The following UCK2 variants were observed in gnomAD, a reference collection of about 807,000 sequenced individuals.
UCK2 encodes the protein uridine-cytidine kinase 2.
In UCK2, 6 loss-of-function variants were observed where a neutral mutation model predicts 30.8. The observed-to-expected ratio is 0.19, with a 90% CI of 0.11 to 0.38. UCK2 has a LOEUF of 0.38. Among genes scored for constraint, UCK2 ranks in the 10% least tolerant of loss-of-function variants. The pLI is 1.00. For synonymous variants in UCK2, 125 were observed against 133.6 expected, an observed-to-expected ratio of 0.94 and a Z score of 0.45; for missense variants, 210 against 339.8, an observed-to-expected ratio of 0.62 and a Z score of 3.00.
intron 1 of UCK2, among the ~76,000 whole-genome samples, chr1:165,852,259 A>G (rs1377546047): frequency 6.6e-6 from 1 of 152,238 alleles, no homozygotes; most frequent in African/African-American, 2.4e-5. Flanking sequence ...ACAGCAAAAG[A>G]AACTATCATC....
At position 165,848,496 on chromosome 1, in the gene UCK2, T is replaced by C. The variant is rs1654506454; in HGVS notation, c.99+20564T>C. Among the ~76,000 whole-genome samples the C allele has an allele frequency of 1.3e-5, 2 of 152,068 alleles. 1 individual carries two copies. Among genetic ancestry groups the C allele is most frequent in the South Asian group, 4.1e-4 (2 of 4,830 alleles). ...AAAATACAAAAATTAGCCGGGTATA[T>C]TGGCGTGTGTCTGTAATCCCAGCTA... is the stretch of plus-strand genomic sequence containing the variant. On this transcript the variant is annotated intron_variant, in intron 1 of 6. Transcript: ENST00000367879.
chr1:165,834,611 A>G (rs1055023088), intron 1 of UCK2, among the ~76,000 whole-genome samples: 1 of 152,250 alleles, frequency 6.6e-6, no homozygotes, highest in Non-Finnish European at 1.5e-5. Context: ...TTCTAAATGT[A>G]TGCCTGAGAA....
intron 1 of UCK2, among the ~76,000 whole-genome samples, chr1:165,846,446 T>A (rs910633894): frequency 2.0e-5 from 3 of 152,036 alleles, no homozygotes; most frequent in Non-Finnish European, 4.4e-5. Context: ...CCCTTTTTTT[T>A]AAACAAAACA....
intron 1 of UCK2, among the ~76,000 whole-genome samples, chr1:165,881,817 A>G (rs1458227466): frequency 6.6e-6 from 1 of 152,186 alleles, no homozygotes; most frequent in East Asian, 1.9e-4. Context: ...CCAGAAGTGA[A>G]TTTTTCAAAT....
intron 1 of UCK2, among the ~76,000 whole-genome samples, chr1:165,839,314 T>C (rs1424076893): frequency 6.6e-6 from 1 of 152,162 alleles, no homozygotes; most frequent in East Asian, 1.9e-4. Flanking sequence ...TGAATACTCT[T>C]CAGGAAGGAA....
At chr1:165,861,722 A>G (rs980133845) in intron 1 of UCK2, among the ~76,000 whole-genome samples, 1 of 150,770 alleles carries the variant, frequency 6.6e-6, no homozygotes, top group Non-Finnish European at 1.5e-5. Flanking sequence ...TAAGATAGGC[A>G]TTCCCTACCT....
chr1:165,884,669 C>T (rs1342110949), intron 1 of UCK2, among the ~76,000 whole-genome samples: 3 of 152,236 alleles, frequency 2.0e-5, no homozygotes, highest in African/African-American at 7.2e-5. Flanking sequence ...TATGGATTAG[C>T]TCCTGGAAGA....
chr1:165,907,602 G>A, intron 6 of UCK2, 82 bp from the exon 7 acceptor site: 1 of 1,525,370 alleles, frequency 6.6e-7, no homozygotes, highest in Non-Finnish European at 8.8e-7. Flanking sequence ...GTTCCTGCAT[G>A]CCCTTCCCCC....
chr1:165,838,051 C>G (rs1654238698), intron 1 of UCK2, among the ~76,000 whole-genome samples: 1 of 152,228 alleles, frequency 6.6e-6, no homozygotes, highest in African/African-American at 2.4e-5. Context: ...TGTTTGCATT[C>G]ATAATCGCTA....
intron 1 of UCK2, among the ~76,000 whole-genome samples, chr1:165,855,398 A>G (rs1255511339): frequency 1.3e-5 from 2 of 152,184 alleles, no homozygotes; most frequent in Non-Finnish European, 2.9e-5. Context: ...ATTTTGTTTC[A>G]GGACAGCTCA....
rs151116689 is a variant in UCK2 at position 165,851,137 on chromosome 1, C to T, written c.99+23205C>T. Among the ~76,000 whole-genome samples the T allele has an allele frequency of 8.1e-3, 1,227 of 152,132 alleles. 17 individuals are homozygous for T. Among genetic ancestry groups the T allele is most frequent in the African/African-American group, 0.027 (1,134 of 41,492 alleles). ...AAGGCAGACTGGAGATTCTGCTCCC[C>T]CTGTTATCTCTGTCTTGTCTTTAGA... On this transcript the variant is annotated intron_variant, in intron 1 of 6. Coordinates refer to ENST00000367879, the MANE Select transcript of UCK2 (RefSeq NM_012474.5).
In UCK2 at chr1:165,827,771, C is replaced by T; in HGVS notation, c.-63C>T. ...TGCGGAAAGCGGAGGGAGTCCGACG[C>T]GGGCGCGGGCGGGGAGCGTGCGTCC... On this transcript the variant is annotated 5_prime_UTR_variant, in exon 1 of 7. Coordinates refer to ENST00000367879, the MANE Select transcript of UCK2 (RefSeq NM_012474.5). The T allele has an allele frequency of 6.3e-6, 8 of 1,273,794 alleles. No individual in the cohort carries two copies. The highest frequency in any genetic ancestry group is 8.0e-6 in the Non-Finnish European group (8 of 996,840). The allele number at this position is 1,273,794 out of a possible 1,614,324, so 78.9% of individuals were successfully genotyped here.
chr1:165,852,753 G>A (rs1489918307), intron 1 of UCK2, among the ~76,000 whole-genome samples: 5 of 152,132 alleles, frequency 3.3e-5, no homozygotes, highest in Admixed American at 3.3e-4. Context: ...CTTTCTTCTG[G>A]AGTTGGGACA....
chr1:165,895,218 A>G (rs1258631874), intron 3 of UCK2, among the ~76,000 whole-genome samples: 2 of 152,188 alleles, frequency 1.3e-5, no homozygotes, highest in Non-Finnish European at 2.9e-5. Flanking sequence ...GTTATAGACC[A>G]GCCTGGGCAA....
At chr1:165,848,601 C>T (rs1654510018) in intron 1 of UCK2, among the ~76,000 whole-genome samples, 1 of 151,962 alleles carries the variant, frequency 6.6e-6, no homozygotes, top group Admixed American at 6.6e-5. Flanking sequence ...CTGCTGCACT[C>T]CAGCCTGGAT....
In UCK2 at chr1:165,895,172, G is replaced by C. The variant is rs1655865540; in HGVS notation, c.357-1018G>C. On this transcript the variant is annotated intron_variant, in intron 3 of 6. Coordinates refer to ENST00000367879, the MANE Select transcript of UCK2 (RefSeq NM_012474.5). The stretch of plus-strand genomic sequence containing the variant: ...CTCATGCCTGTAATCCTAGCACTTT[G>C]GGAGGCTGAGGTGGGTGGGTTGCAT... Among the ~76,000 whole-genome samples, 3 of 152,276 alleles carry C rather than the reference G, an allele frequency of 2.0e-5. No homozygotes were observed. In the South Asian group the frequency reaches 6.2e-4, roughly 32 times the overall value.
intron 1 of UCK2, among the ~76,000 whole-genome samples, chr1:165,855,955 A>G (rs1180919204): frequency 6.6e-6 from 1 of 152,094 alleles, no homozygotes; most frequent in Non-Finnish European, 1.5e-5. Flanking sequence ...GTTTTTGATC[A>G]TCTCTGGTCC....
In UCK2 at chr1:165,910,061, A is replaced by G. The variant is rs1186037851; in HGVS notation, c.*2238A>G. The G allele has an allele frequency of 6.6e-6, 1 of 152,192 alleles. No individual in the cohort carries two copies. Among genetic ancestry groups the G allele is most frequent in the African/African-American group, 2.4e-5 (1 of 41,428 alleles). 9.4% of individuals were successfully genotyped at this position (152,192 alleles called of 1,614,324 possible). On this transcript the variant is annotated 3_prime_UTR_variant, in exon 7 of 7. Transcript: ENST00000367879. ...TCTGAATAGCCCACTCCTAGCTTGG[A>G]AACAGCTATAAGGGCTGCCCTGCCC...
At chr1:165,846,136 TA>T (rs1470993687) in intron 1 of UCK2, among the ~76,000 whole-genome samples, 2 of 151,708 alleles carry the variant, frequency 1.3e-5, no homozygotes, top group Non-Finnish European at 2.9e-5. Flanking sequence ...TACAGAAAAT[TA>T]AAAAAGAAAG....
Sources: allele counts gnomAD v4.1 joint callset (sites outside exome capture counted in the v4.1 genomes callset), GRCh38; gene constraint gnomAD v4.1.1; transcripts MANE v1.5; gene names NCBI Gene and HGNC (gene_info 2026-07-23, HGNC 2026-07-21).